The following TBC1D19 variants were observed in gnomAD, a reference collection of about 807,000 sequenced individuals.
The protein encoded by TBC1D19 is TBC1 domain family, member 19.
In TBC1D19, 60 loss-of-function variants were observed where a neutral mutation model predicts 89.0. That is an observed-to-expected ratio of 0.67 (90% CI 0.55 to 0.84). TBC1D19 has a LOEUF of 0.84. TBC1D19 is among the 40% of genes least tolerant of loss of function. TBC1D19 has a pLI of 0.00. For synonymous variants in TBC1D19, 189 were observed against 199.7 expected (o/e 0.95, Z 0.45); for missense variants, 500 against 610.8 (o/e 0.82, Z 1.91).
rs140211433 is a variant in TBC1D19 at position 26,644,147 on chromosome 4, C to T, written c.480+3960C>T. On this transcript the variant is annotated intron_variant, in intron 7 of 20. Transcript: ENST00000264866. ...AAAAGAAAATTTTAGACCAATACCC[C>T]GATGAACATTGATGTGAAAATTCTC... Among the ~76,000 whole-genome samples the T allele has an allele frequency of 2.5e-3, 383 of 152,178 alleles. 2 individuals carry two copies. Among genetic ancestry groups the T allele is most frequent in the Middle Eastern group, 6.8e-3 (2 of 294 alleles).
chr4:26,657,163 G>A, intron 7 of TBC1D19, among the ~76,000 whole-genome samples: 1 of 151,316 alleles, frequency 6.6e-6, no homozygotes, highest in Non-Finnish European at 1.5e-5. Context: ...GTATACATGT[G>A]CCATGGTGGT....
At chr4:26,683,585 A>T in intron 11 of TBC1D19, 90 bp from the exon 12 acceptor site, 2 of 985,940 alleles carry the variant, frequency 2.0e-6, no homozygotes, top group Non-Finnish European at 3.1e-6. Context: ...TGCCCTTCTT[A>T]GTGTTTAGAA....
intron 7 of TBC1D19, among the ~76,000 whole-genome samples, chr4:26,656,987 T>TCTTCTTCTTCTTCTC (rs67034832): frequency 1.5e-3 from 27 of 17,818 alleles, no homozygotes; most frequent in African/African-American, 4.3e-3. Flanking sequence ...TTCTTCTTCT[T>TCTTCTTCTTCTTCTC]CTTCTCCTTC....
At chr4:26,637,097 A>G (rs866303400) in intron 4 of TBC1D19, 114 bp from the exon 5 acceptor site, 2 of 716,818 alleles carry the variant, frequency 2.8e-6, no homozygotes, top group East Asian at 5.6e-5. Flanking sequence ...ATAAATAAGG[A>G]TAACCAATCT....
chr4:26,768,173 G>T, the TBC1D19 span, among the ~76,000 whole-genome samples: 2 of 152,260 alleles, frequency 1.3e-5, no homozygotes, highest in African/African-American at 4.8e-5. Flanking sequence ...GGATTAAAGG[G>T]AGTAATCTCT....
chr4:26,718,309 T>C lies in TBC1D19; in HGVS notation c.1039+292T>C, dbSNP rs200678121. 4.8e-3 allele frequency among the ~76,000 whole-genome samples: 26 copies of C among 5,436 alleles called. No individual in the cohort carries two copies. In the Admixed American group the frequency reaches 0.11, roughly 23 times the overall value. 3.6% of individuals were successfully genotyped at this position (5,436 alleles called of 152,430 possible). On this transcript the variant is annotated intron_variant, in intron 14 of 20. Coordinates refer to ENST00000264866, the MANE Select transcript of TBC1D19 (RefSeq NM_018317.4). Reference sequence around the variant, plus strand: ...CATATCTGTTGACTTTTCTTTTTCTTTCTAAGTTTATAACACAGATTTGCT... The same window carrying C: ...CATATCTGTTGACTTTTCTTTTTCTCTCTAAGTTTATAACACAGATTTGCT...
At chr4:26,778,970 G>A in the TBC1D19 span, among the ~76,000 whole-genome samples, 691 of 152,260 alleles carry the variant, frequency 4.5e-3, 2 homozygotes, top group Non-Finnish European at 8.3e-3. Context: ...GAATCTCTGG[G>A]GATGGAGCAT....
chr4:26,854,637 A>G, the TBC1D19 span, among the ~76,000 whole-genome samples: 1 of 151,962 alleles, frequency 6.6e-6, no homozygotes, highest in Non-Finnish European at 1.5e-5. Flanking sequence ...GGTAGGGGCC[A>G]AGATGTGATG....
chr4:26,631,156 C>A (rs1742787678), intron 4 of TBC1D19, among the ~76,000 whole-genome samples: 1 of 152,038 alleles, frequency 6.6e-6, no homozygotes, highest in Admixed American at 6.6e-5. Flanking sequence ...ACATGGCCAG[C>A]AACTGGGGTC....
At chr4:26,812,178 G>A in the TBC1D19 span, among the ~76,000 whole-genome samples, 4 of 152,260 alleles carry the variant, frequency 2.6e-5, no homozygotes, top group African/African-American at 7.2e-5. The surrounding 1 kb of genome is among the most constrained non-coding windows in gnomAD (Gnocchi z 4.2). Context: ...GGGAGGCAGC[G>A]AGGAAGATGT....
chr4:26,639,494 T>C (rs912083757), intron 6 of TBC1D19, among the ~76,000 whole-genome samples: 1 of 152,168 alleles, frequency 6.6e-6, no homozygotes, highest in Non-Finnish European at 1.5e-5. Flanking sequence ...TTGTTAAAAA[T>C]AGGATAAATA....
intron 4 of TBC1D19, among the ~76,000 whole-genome samples, chr4:26,636,611 A>G (rs529370110): frequency 6.6e-6 from 1 of 152,134 alleles, no homozygotes; most frequent in South Asian, 2.1e-4. Context: ...TTAAAAAACT[A>G]TAAAAGATAT....
chr4:26,734,566 G>A (rs75282728), intron 15 of TBC1D19, among the ~76,000 whole-genome samples: 5,482 of 152,134 alleles, frequency 0.036, 326 homozygotes, highest in African/African-American at 0.13. Context: ...TACTTTACTT[G>A]TGTGTAATTA....
chr4:26,722,443 A>G (rs1717039273), intron 15 of TBC1D19, among the ~76,000 whole-genome samples: 1 of 152,196 alleles, frequency 6.6e-6, no homozygotes, highest in South Asian at 2.1e-4. Context: ...TCCTACAAAA[A>G]TAGAAGCATG....
chr4:26,627,824 CA>C (rs1257743521), intron 4 of TBC1D19, among the ~76,000 whole-genome samples: 3 of 151,936 alleles, frequency 2.0e-5, no homozygotes, highest in African/African-American at 7.3e-5. Flanking sequence ...AATTTTCTCC[CA>C]TTTTGTAGGT....
chr4:26,717,902 A>G lies in TBC1D19; in HGVS notation c.955-31A>G, dbSNP rs1716732679. The G allele has an allele frequency of 2.6e-6, 4 of 1,547,904 alleles. No individual in the cohort carries two copies. In the South Asian group the frequency reaches 3.4e-5, roughly 13 times the overall value. On this transcript the variant is annotated intron_variant, in intron 13 of 20. Transcript: ENST00000264866. ...TTACCTGGTTTTATAATAGTGCTTAATTGCTATTTTTTTTCCAATGTTATA... is the reference window on the plus strand; with the variant it reads ...TTACCTGGTTTTATAATAGTGCTTAGTTGCTATTTTTTTTCCAATGTTATA...
At chr4:26,599,118 A>G (rs1740431273) in intron 1 of TBC1D19, among the ~76,000 whole-genome samples, 1 of 152,150 alleles carries the variant, frequency 6.6e-6, no homozygotes, top group Non-Finnish European at 1.5e-5. Context: ...CTATAATATT[A>G]TAGATTCATA....
At chr4:26,668,323 A>G (rs1208845392) in intron 9 of TBC1D19, among the ~76,000 whole-genome samples, 1 of 152,000 alleles carries the variant, frequency 6.6e-6, no homozygotes, top group African/African-American at 2.4e-5. Flanking sequence ...ATCTCATAGT[A>G]TCTATGCTTT....
the TBC1D19 span, among the ~76,000 whole-genome samples, chr4:26,842,583 C>CCTTCCTTCCTTTCTTTCTTT: frequency 6.7e-4 from 47 of 70,604 alleles, no homozygotes; most frequent in East Asian, 1.5e-3. Flanking sequence ...TTCCTCCCTC[C>CCTTCCTTCCTTTCTTTCTTT]CTTTCTTTCT....
Sources: allele counts gnomAD v4.1 joint callset (sites outside exome capture counted in the v4.1 genomes callset), GRCh38; gene constraint gnomAD v4.1.1; non-coding constraint Gnocchi (gnomAD v3.1); transcripts MANE v1.5; gene names NCBI Gene and HGNC (gene_info 2026-07-23, HGNC 2026-07-21).